The following RASEF variants were observed in gnomAD, a reference collection of about 807,000 sequenced individuals.
RASEF encodes the protein ras and EF-hand domain-containing protein.
Under a neutral mutation model 90.1 loss-of-function variants are expected in RASEF, and 68 were observed. That is an observed-to-expected ratio of 0.75 (90% CI 0.62 to 0.92). The LOEUF is 0.92. Ranked by LOEUF, RASEF falls within the 40% of genes least tolerant of loss-of-function variation. The pLI, the probability that RASEF is intolerant of heterozygous loss-of-function variation, is 0.00. For synonymous variants in RASEF, 331 were observed against 345.2 expected (o/e 0.96, Z 0.46); for missense variants, 949 against 937.2 (o/e 1.01, Z -0.16).
intron 16 of RASEF, among the ~76,000 whole-genome samples, chr9:82,983,140 CA>C (rs1401963136): frequency 2.8e-5 from 4 of 144,410 alleles, no homozygotes; most frequent in African/African-American, 1.1e-4. Flanking sequence ...CACACACACA[CA>C]CACACACACA....
chr9:83,044,594 A>G (rs184836442), intron 1 of RASEF, among the ~76,000 whole-genome samples: 1 of 152,314 alleles, frequency 6.6e-6, no homozygotes, highest in Admixed American at 6.5e-5. Context: ...GTGGGGGAAT[A>G]TAATATATGT....
the RASEF span, among the ~76,000 whole-genome samples, chr9:83,186,850 T>A: frequency 6.6e-6 from 1 of 152,026 alleles, no homozygotes; most frequent in East Asian, 1.9e-4. Flanking sequence ...TGTTTTGACA[T>A]CTTAAAAAAA....
At chr9:83,107,562 A>G in the RASEF span, among the ~76,000 whole-genome samples, 1 of 152,158 alleles carries the variant, frequency 6.6e-6, no homozygotes, top group Non-Finnish European at 1.5e-5. Context: ...TTTTTGACCT[A>G]TCGCTCTCCT....
chr9:83,005,179 GATT>G (rs1259214323), intron 8 of RASEF, among the ~76,000 whole-genome samples: 1 of 152,120 alleles, frequency 6.6e-6, no homozygotes, highest in African/African-American at 2.4e-5. Flanking sequence ...CCTATCTCTA[GATT>G]CCTAGAACAT....
the RASEF span, among the ~76,000 whole-genome samples, chr9:83,114,258 C>A: frequency 6.6e-6 from 1 of 152,174 alleles, no homozygotes; most frequent in Non-Finnish European, 1.5e-5. Flanking sequence ...TTCATGGACA[C>A]TTATCACTTC....
the RASEF span, among the ~76,000 whole-genome samples, chr9:83,105,331 C>T: frequency 1.3e-5 from 2 of 151,994 alleles, no homozygotes; most frequent in African/African-American, 4.8e-5. Flanking sequence ...AAAAAAATAA[C>T]GAATGAATAA....
the RASEF span, among the ~76,000 whole-genome samples, chr9:83,182,884 T>C: frequency 0.28 from 42,767 of 151,974 alleles, 6,077 homozygotes; most frequent in East Asian, 0.31. Flanking sequence ...TGAAAAGGAA[T>C]GAACTACTAA....
At chr9:83,152,664 C>A in the RASEF span, among the ~76,000 whole-genome samples, 1 of 152,150 alleles carries the variant, frequency 6.6e-6, no homozygotes. Context: ...TATGTTCTAA[C>A]ATACTGAAAA....
At chr9:83,206,288 G>T in the RASEF span, among the ~76,000 whole-genome samples, 12 of 151,980 alleles carry the variant, frequency 7.9e-5, no homozygotes. Context: ...TTCTATGAAA[G>T]AAAAAGGAAT....
At chr9:83,163,689 C>T in the RASEF span, among the ~76,000 whole-genome samples, 9 of 151,868 alleles carry the variant, frequency 5.9e-5, no homozygotes, top group East Asian at 1.7e-3. Context: ...GAAAACATAC[C>T]AAAAACAAAG....
intron 13 of RASEF, among the ~76,000 whole-genome samples, chr9:82,997,581 C>G (rs983752283): frequency 6.6e-6 from 1 of 152,142 alleles, no homozygotes; most frequent in Admixed American, 6.5e-5. Flanking sequence ...CTGTAACATA[C>G]CAGGACTTTA....
the RASEF span, among the ~76,000 whole-genome samples, chr9:83,123,023 TGA>T: frequency 1.3e-5 from 2 of 149,586 alleles, no homozygotes; most frequent in Non-Finnish European, 3.0e-5. Flanking sequence ...GTGAATCACC[TGA>T]GTCAGGAGTT....
chr9:83,087,191 C>T, the RASEF span, among the ~76,000 whole-genome samples: 1 of 152,156 alleles, frequency 6.6e-6, no homozygotes, highest in Non-Finnish European at 1.5e-5. Flanking sequence ...ACATTGAAGA[C>T]AAAATTGTTA....
chr9:83,078,963 C>T, the RASEF span, among the ~76,000 whole-genome samples: 29 of 152,220 alleles, frequency 1.9e-4, no homozygotes, highest in East Asian at 5.2e-3. Flanking sequence ...CTTTGTCAGA[C>T]GTATAGTTTG....
chr9:83,096,373 G>T, the RASEF span, among the ~76,000 whole-genome samples: 1 of 152,080 alleles, frequency 6.6e-6, no homozygotes, highest in African/African-American at 2.4e-5. Flanking sequence ...AGACATTAAG[G>T]ATAATATAAA....
At chr9:83,043,396 T>C (rs946328292) in intron 1 of RASEF, among the ~76,000 whole-genome samples, 1 of 94,382 alleles carries the variant, frequency 1.1e-5, no homozygotes, top group Non-Finnish European at 2.1e-5. Context: ...TCTGCAGTGA[T>C]TGGGGGGGGG....
the RASEF span, among the ~76,000 whole-genome samples, chr9:83,093,002 T>C: frequency 2.0e-5 from 3 of 151,154 alleles, no homozygotes; most frequent in Non-Finnish European, 2.9e-5. Flanking sequence ...TGCCGATTGG[T>C]GTATTTACAA....
rs537717946 is a variant in RASEF at position 82,982,833 on chromosome 9, G to GA, written c.2118-52_2118-51insT. ...AGAGAGAGAGAGAGAGAGAGAGAGA[G>GA]GATTACTGAGGTATAAAAACTAAGC... On this transcript the variant is annotated intron_variant, in intron 16 of 16. Transcript: ENST00000376447. 4.1e-4 allele frequency: 413 copies of GA among 1,012,944 alleles called. 1 individual carries two copies. In the African/African-American group the frequency reaches 6.1e-3, roughly 15 times the overall value. The allele number at this position is 1,012,944 out of a possible 1,614,324, so 62.7% of individuals were successfully genotyped here.
intron 1 of RASEF, among the ~76,000 whole-genome samples, chr9:83,028,638 C>T (rs1043192758): frequency 6.6e-6 from 1 of 152,186 alleles, no homozygotes; most frequent in Non-Finnish European, 1.5e-5. Flanking sequence ...GAAAAGAAGA[C>T]AGTCAGATAG....
Sources: allele counts gnomAD v4.1 joint callset (sites outside exome capture counted in the v4.1 genomes callset), GRCh38; gene constraint gnomAD v4.1.1; transcripts MANE v1.5; gene names NCBI Gene and HGNC (gene_info 2026-07-23, HGNC 2026-07-21).